TBC1D5: variants seen among roughly 807,000 people sequenced by gnomAD.
The protein encoded by TBC1D5 is TBC1 domain family, member 5.
In TBC1D5, 75 loss-of-function variants were observed where a neutral mutation model predicts 100.3. The ratio of observed to expected loss-of-function variants is 0.75; its 90% CI spans 0.62 to 0.91. The LOEUF is 0.91. TBC1D5 is among the 40% of genes least tolerant of loss of function. The pLI is 0.00. For synonymous variants in TBC1D5, 323 were observed against 325.6 expected, an observed-to-expected ratio of 0.99 and a Z score of 0.09; for missense variants, 910 against 942.4, an observed-to-expected ratio of 0.97 and a Z score of 0.45.
intron 21 of TBC1D5, among the ~76,000 whole-genome samples, chr3:17,164,851 T>G (rs2066433341): frequency 6.6e-6 from 1 of 152,232 alleles, no homozygotes. Flanking sequence ...TCAAGAAATC[T>G]CAAGATTTCC....
rs1300803649 is a variant in TBC1D5, at chr3:17,238,226, G to C, written c.1525C>G (p.Gln509Glu). The C allele has an allele frequency of 1.6e-5, 26 of 1,613,872 alleles. No homozygotes were observed. The highest frequency in any genetic ancestry group is 2.1e-5 in the Non-Finnish European group (25 of 1,179,932). ...AGCCTCTGCTGCTGCTGTTGCTGTT[G>C]CAAGTGATGGCTTGGGGCCTCTGCT... Residue 509 changes from glutamine (Q) to glutamate (E), a missense_variant, in exon 17 of 22, where the codon CAA becomes GAA. Coordinates refer to ENST00000253692, the Ensembl canonical transcript of TBC1D5.
intron 2 of TBC1D5, among the ~76,000 whole-genome samples, chr3:17,533,611 T>C (rs979060296): frequency 2.0e-5 from 3 of 152,220 alleles, no homozygotes; most frequent in African/African-American, 7.2e-5. Context: ...TTGGATTGGA[T>C]AAATTTATTA....
At chr3:17,479,477 A>C (rs1357649990) in intron 3 of TBC1D5, among the ~76,000 whole-genome samples, 2 of 152,238 alleles carry the variant, frequency 1.3e-5, no homozygotes, top group East Asian at 3.8e-4. Flanking sequence ...CATAATATTA[A>C]AGTTGCAAAA....
intron 1 of TBC1D5, among the ~76,000 whole-genome samples, chr3:17,632,154 A>G (rs1319601592): frequency 1.3e-5 from 2 of 152,364 alleles, no homozygotes; most frequent in African/African-American, 4.8e-5. Flanking sequence ...AGGAGTTTGG[A>G]AAAAGATTAT....
intron 2 of TBC1D5, among the ~76,000 whole-genome samples, chr3:17,613,842 T>C (rs1658709978): frequency 6.6e-6 from 1 of 152,226 alleles, no homozygotes; most frequent in Admixed American, 6.5e-5. Context: ...AGGTTGCCTG[T>C]TCACTCTGAT....
chr3:17,600,202 T>C (rs529786309), intron 2 of TBC1D5, among the ~76,000 whole-genome samples: 3 of 139,386 alleles, frequency 2.2e-5, no homozygotes, highest in South Asian at 2.2e-4. Flanking sequence ...GTGATCTCTA[T>C]GATTCATATA....
At chr3:17,479,979 G>C (rs1559979835) in intron 3 of TBC1D5, among the ~76,000 whole-genome samples, 1 of 152,210 alleles carries the variant, frequency 6.6e-6, no homozygotes, top group Admixed American at 6.5e-5. Context: ...GGGGTCCCAG[G>C]AAGCCCCTTG....
At chr3:17,414,786 C>A (rs575527944) in intron 4 of TBC1D5, among the ~76,000 whole-genome samples, 100 of 152,158 alleles carry the variant, frequency 6.6e-4, no homozygotes, top group South Asian at 6.2e-3. Context: ...GCTTCCTGTA[C>A]CACGAATTTT....
rs146539876 is a variant in TBC1D5, at chr3:17,540,050, T to TGGTA, written c.-35-31449_-35-31446dup. Among the ~76,000 whole-genome samples, 133 of 152,296 alleles carry TGGTA rather than the reference T, an allele frequency of 8.7e-4. 3 individuals carry two copies. In the East Asian group the frequency reaches 0.024, roughly 28 times the overall value. On this transcript the variant is annotated intron_variant, in intron 2 of 21. Transcript: ENST00000253692. Reference sequence around the variant, plus strand: ...AGTAGCCATCCTAATGGGTGTAAGGTGGTATTTCATTATAGTTTTGATTTG... The same window carrying TGGTA: ...AGTAGCCATCCTAATGGGTGTAAGGTGGTAGGTATTTCATTATAGTTTTGATTTG...
chr3:17,580,327 C>T (rs1056455065), intron 2 of TBC1D5, among the ~76,000 whole-genome samples: 1 of 151,956 alleles, frequency 6.6e-6, no homozygotes, highest in Non-Finnish European at 1.5e-5. Context: ...CTAGGAAACA[C>T]CATACATTTA....
chr3:17,231,417 T>C lies in TBC1D5; in HGVS notation c.1588+6746A>G, dbSNP rs570589236. 1.2e-4 allele frequency among the ~76,000 whole-genome samples: 18 copies of C among 152,204 alleles called. No individual in the cohort carries two copies. The South Asian group carries it at 2.9e-3, about 25-fold the overall frequency. ...ATCTAAATTATGGAATCTCACCTTA[T>C]ATTCAGGTTTTTTCTTAAAAATAAA... On this transcript the variant is annotated intron_variant, in intron 17 of 21. Transcript: ENST00000253692.
intron 16 of TBC1D5, among the ~76,000 whole-genome samples, chr3:17,243,469 A>G (rs951760845): frequency 6.6e-6 from 1 of 152,196 alleles, no homozygotes; most frequent in African/African-American, 2.4e-5. Context: ...TGTATGATAT[A>G]GCACACTCTA....
intron 15 of TBC1D5, among the ~76,000 whole-genome samples, chr3:17,289,460 C>T (rs868824169): frequency 3.3e-5 from 5 of 152,064 alleles, no homozygotes; most frequent in Middle Eastern, 6.8e-3. Flanking sequence ...ATAGTGAAAC[C>T]CCATATCTAC....
intron 1 of TBC1D5, among the ~76,000 whole-genome samples, chr3:17,700,771 C>A (rs1460667269): frequency 2.0e-5 from 3 of 152,108 alleles, no homozygotes; most frequent in Non-Finnish European, 4.4e-5. Context: ...AAAGCAAAAC[C>A]ACAATGAGAT....
At chr3:17,427,013 T>C (rs1156257371) in intron 4 of TBC1D5, among the ~76,000 whole-genome samples, 1 of 152,036 alleles carries the variant, frequency 6.6e-6, no homozygotes, top group African/African-American at 2.4e-5. Flanking sequence ...ATCTTTCATA[T>C]TTACTTTTTT....
chr3:17,675,430 C>G (rs1171807526), intron 1 of TBC1D5, among the ~76,000 whole-genome samples: 1 of 152,062 alleles, frequency 6.6e-6, no homozygotes, highest in Admixed American at 6.6e-5. Context: ...TCCTCCTAAT[C>G]CTTACACCTG....
At chr3:17,527,983 G>C (rs1448439619) in intron 2 of TBC1D5, among the ~76,000 whole-genome samples, 1 of 152,016 alleles carries the variant, frequency 6.6e-6, no homozygotes, top group Non-Finnish European at 1.5e-5. Flanking sequence ...CCCTGCTATA[G>C]GTTTGAACGT....
At chr3:17,548,036 C>T (rs1316192884) in intron 2 of TBC1D5, among the ~76,000 whole-genome samples, 1 of 152,110 alleles carries the variant, frequency 6.6e-6, no homozygotes, top group Non-Finnish European at 1.5e-5. Flanking sequence ...TATAGCAGGC[C>T]AGGCATGGTG....
intron 15 of TBC1D5, among the ~76,000 whole-genome samples, chr3:17,279,988 G>A (rs577923385): frequency 7.9e-5 from 12 of 152,114 alleles, no homozygotes; most frequent in Admixed American, 3.3e-4. Flanking sequence ...CTTCTCCTCC[G>A]GAAGAGAAAT....
Sources: allele counts gnomAD v4.1 joint callset (sites outside exome capture counted in the v4.1 genomes callset), GRCh38; gene constraint gnomAD v4.1.1; transcripts MANE v1.5; gene names NCBI Gene and HGNC (gene_info 2026-07-23, HGNC 2026-07-21).